TERT: variants seen among roughly 807,000 people sequenced by gnomAD.
TERT encodes telomerase reverse transcriptase.
In TERT, 42 loss-of-function variants were observed where a neutral mutation model predicts 104.0. That is an observed-to-expected ratio of 0.40 (90% CI 0.32 to 0.52). TERT has a LOEUF of 0.52. Ranked by LOEUF, TERT falls within the 20% of genes least tolerant of loss-of-function variation. TERT has a pLI of 0.43. For missense variants in TERT, 1,101 were observed against 1,610.3 expected (o/e 0.68, Z 5.41); for synonymous variants, 781 against 725.6 (o/e 1.08, Z -1.23).
rs1160667241 is a variant in TERT, at chr5:1,294,400, C to T, written c.486G>A (p.Val162=). 1.3e-6 allele frequency: 2 copies of T among 1,585,672 alleles called. No individual in the cohort carries two copies. The change falls in exon 2 of 16, where the codon GTG becomes GTA. Residue 162 remains valine (V), a synonymous_variant. Coordinates refer to ENST00000310581, the MANE Select transcript of TERT (RefSeq NM_198253.3). ...ACACCTGGTAGGCGCAGCTGGGAGC[C>T]ACCAGCACAAAGAGCGCGCAGCGTG... is the stretch of plus-strand genomic sequence containing the variant. ...LLARCALFVL[V]APSCAYQVCG...
At chr5:1,291,547 G>A (rs1409964890) in intron 2 of TERT, among the ~76,000 whole-genome samples, 6 of 100,680 alleles carry the variant, frequency 6.0e-5, no homozygotes, top group Non-Finnish European at 6.1e-5. Context: ...CACGTGACAG[G>A]GACACCCGGG....
At chr5:1,254,603 C>T in intron 14 of TERT, 98 bp from the exon 15 acceptor site, 1 of 1,439,718 alleles carries the variant, frequency 6.9e-7, no homozygotes, top group South Asian at 1.3e-5. Flanking sequence ...TGCGGGGTGG[C>T]TCCATCTCTG....
At chr5:1,289,654 A>C (rs1157539447) in intron 2 of TERT, among the ~76,000 whole-genome samples, 1 of 104,840 alleles carries the variant, frequency 9.5e-6, no homozygotes, top group African/African-American at 4.4e-5. Context: ...CCTGCACGTG[A>C]CAGGGACACC....
intron 3 of TERT, among the ~76,000 whole-genome samples, chr5:1,281,101 T>C (rs1381681577): frequency 6.6e-6 from 1 of 152,186 alleles, no homozygotes; most frequent in Non-Finnish European, 1.5e-5. Context: ...ACAAGGAGCA[T>C]CTTGGGGACC....
At position 1,294,798 on chromosome 5, in the gene TERT, C is replaced by A. The variant is rs930445607; in HGVS notation, c.192G>T (p.Pro64=). 6.6e-7 allele frequency: 1 copy of A among 1,523,748 alleles called. No homozygotes were observed. The highest frequency in any genetic ancestry group is 8.7e-7 in the Non-Finnish European group (1 of 1,143,480). The allele number at this position is 1,523,748 out of a possible 1,614,324, so 94.4% of individuals were successfully genotyped here. A position where few individuals can be genotyped will look rare whatever the true frequency, so the allele number is the denominator to read the frequency against. ...GGCGGAAGGAGGGGGCGGCGGGGGG[C>A]GGCCGTGCGTCCCAGGGCACGCACA... ...CLVCVPWDAR[P]PPAAPSFRQV... is the part of the protein sequence containing the mutation. The change falls in exon 1 of 16, where the codon CCG becomes CCT. Residue 64 remains proline, a synonymous_variant. Coordinates refer to ENST00000310581, the MANE Select transcript of TERT (RefSeq NM_198253.3).
At chr5:1,253,870 A>G in intron 15 of TERT, 39 bp from the exon 16 acceptor site, 1 of 1,579,692 alleles carries the variant, frequency 6.3e-7, no homozygotes, top group Non-Finnish European at 8.6e-7. Context: ...AGAAGAGGCC[A>G]GAGGTGGCAT....
In TERT at chr5:1,255,229, A is replaced by G. The variant is rs532541405; in HGVS notation, c.3157+58T>C. On this transcript the variant is annotated intron_variant, in intron 14 of 15. Coordinates refer to ENST00000310581, the MANE Select transcript of TERT (RefSeq NM_198253.3). This position sits in a 1 kb window ranked among gnomAD's most constrained non-coding sequence, Gnocchi z 6.9. ...AAGCCCAGATTCACTCAGTCTCCTG[A>G]CACACTAACACCAGCAGGCAGGCAC... 6.2e-7 allele frequency: 1 copy of G among 1,601,946 alleles called. No homozygotes were observed. The highest frequency in any genetic ancestry group is 1.3e-5 in the African/African-American group (1 of 74,788).
intron 3 of TERT, among the ~76,000 whole-genome samples, chr5:1,280,705 G>C (rs1391742573): frequency 6.6e-6 from 1 of 152,176 alleles, no homozygotes; most frequent in African/African-American, 2.4e-5. Context: ...CAGCCACTGG[G>C]GTAGCCCAAG....
At position 1,268,282 on chromosome 5, in the gene TERT, G is replaced by T. The variant is rs972100142; in HGVS notation, c.2582+238C>A. On this transcript the variant is annotated intron_variant, in intron 9 of 15. Transcript: ENST00000310581. This position sits in a 1 kb window ranked among gnomAD's most constrained non-coding sequence, Gnocchi z 5.5. Reference sequence around the variant, plus strand: ...CATCATGCAGGGCAGCGGCCCTCCCGCCTGCTGAGCCCTGAGGCCTCTGGA... The same window carrying T: ...CATCATGCAGGGCAGCGGCCCTCCCTCCTGCTGAGCCCTGAGGCCTCTGGA... Among the ~76,000 whole-genome samples, 1 of 152,212 alleles carries T rather than the reference G, an allele frequency of 6.6e-6. No individual in the cohort carries two copies. The highest frequency in any genetic ancestry group is 1.9e-4 in the East Asian group (1 of 5,190).
rs1163088538 is a variant in TERT, at chr5:1,274,206, G to A, written c.2287-1926C>T. On this transcript the variant is annotated intron_variant, in intron 6 of 15. Transcript: ENST00000310581. The surrounding 1 kb of genome is among the most constrained non-coding windows in gnomAD (Gnocchi z 5.3). ...CAGGGCCGTGGGCTAAAACCACATC[G>A]AGTACGATTCAACCCTGAGAACCAA... is the stretch of plus-strand genomic sequence containing the variant. Among the ~76,000 whole-genome samples the A allele has an allele frequency of 2.0e-5, 3 of 152,144 alleles. No homozygotes were observed. Among genetic ancestry groups the A allele is most frequent in the Non-Finnish European group, 2.9e-5 (2 of 68,036 alleles).
rs1288800543 is a variant in TERT at position 1,279,262 on chromosome 5, G to GGCTGC, written c.2130+24_2130+28dup. 1.9e-6 allele frequency: 3 copies of GGCTGC among 1,554,712 alleles called. No individual in the cohort carries two copies. In the South Asian group the frequency reaches 3.6e-5, roughly 19 times the overall value. Reference sequence around the variant, plus strand: ...GGCAGCCACTCCCAAGGTCCAGCAGGGCTGCTCACGGGGGTCCCCGGCACC... The same window carrying GGCTGC: ...GGCAGCCACTCCCAAGGTCCAGCAGGGCTGCGCTGCTCACGGGGGTCCCCGGCACC... On this transcript the variant is annotated intron_variant, in intron 5 of 15. Coordinates refer to ENST00000310581, the MANE Select transcript of TERT (RefSeq NM_198253.3).
Position 1,255,785 on chromosome 5 carries a change from C to T in TERT, c.3033-374G>A, listed in dbSNP as rs552717529. Among the ~76,000 whole-genome samples, 1 of 152,270 alleles carries T rather than the reference C, an allele frequency of 6.6e-6. No individual in the cohort carries two copies. Among genetic ancestry groups the T allele is most frequent in the South Asian group, 2.1e-4 (1 of 4,818 alleles). ...ATTGTTCCTTGTGTACCAGCAGGTA[C>T]TTATCATGAATCCTGCCCTTCGTCA... On this transcript the variant is annotated intron_variant, in intron 13 of 15. Transcript: ENST00000310581. This position sits in a 1 kb window ranked among gnomAD's most constrained non-coding sequence, Gnocchi z 6.9.
Position 1,279,475 on chromosome 5 carries a change from C to A in TERT, c.1951-5G>T, listed in dbSNP as rs770214413. 15 of 1,548,508 alleles carry A rather than the reference C, an allele frequency of 9.7e-6. No individual in the cohort carries two copies. Among genetic ancestry groups the A allele is most frequent in the Non-Finnish European group, 1.3e-5 (15 of 1,147,186 alleles). On this transcript the variant is annotated splice_region_variant and splice_polypyrimidine_tract_variant and intron_variant, in intron 4 of 15. Transcript: ENST00000310581. The stretch of plus-strand genomic sequence containing the variant: ...CCTCGAGGTGAGACGCTCGGCCTGG[C>A]GGGGACAGCATGGGAGACAGTCAGG...
In TERT at chr5:1,268,646, G is replaced by C. The variant is rs1748801438; in HGVS notation, c.2469-13C>G. The C allele has an allele frequency of 1.3e-6, 2 of 1,597,988 alleles. No homozygotes were observed. Among genetic ancestry groups the C allele is most frequent in the Non-Finnish European group, 1.7e-6 (2 of 1,167,084 alleles). On this transcript the variant is annotated splice_polypyrimidine_tract_variant and intron_variant, in intron 8 of 15. Transcript: ENST00000310581. This position sits in a 1 kb window ranked among gnomAD's most constrained non-coding sequence, Gnocchi z 5.5. ...CTGGACGTAGGACCTGGGGCGGGAAGACACAGGTGAGAGACGGGCAGGGCA... is the reference window on the plus strand; with the variant it reads ...CTGGACGTAGGACCTGGGGCGGGAACACACAGGTGAGAGACGGGCAGGGCA...
In TERT at chr5:1,258,669, C is replaced by A. The variant is rs878855303; in HGVS notation, c.2971-10G>T. On this transcript the variant is annotated splice_polypyrimidine_tract_variant and intron_variant, in intron 12 of 15. Transcript: ENST00000310581. ...TCTGGAGGCTGTTCACCTAGAGTCG[C>A]CAAGAAAGAGTGAGAAACGGTAGAA... 4.6e-5 allele frequency: 72 copies of A among 1,563,164 alleles called. No homozygotes were observed. Among genetic ancestry groups the A allele is most frequent in the Non-Finnish European group, 6.0e-5 (69 of 1,152,840 alleles).
rs1311144414 is a variant in TERT, at chr5:1,288,005, T to G, written c.1573+5308A>C. Among the ~76,000 whole-genome samples the G allele has an allele frequency of 1.3e-5, 2 of 152,072 alleles. No individual in the cohort carries two copies. Among genetic ancestry groups the G allele is most frequent in the Non-Finnish European group, 2.9e-5 (2 of 68,034 alleles). On this transcript the variant is annotated intron_variant, in intron 2 of 15. Transcript: ENST00000310581. This position sits in a 1 kb window ranked among gnomAD's most constrained non-coding sequence, Gnocchi z 5.3. ...AGAAATCAATAATAAAATGATAACTTAAAATACTCTACGTATCTTGATACT... is the reference window on the plus strand; with the variant it reads ...AGAAATCAATAATAAAATGATAACTGAAAATACTCTACGTATCTTGATACT...
intron 3 of TERT, 151 bp downstream of exon 3, chr5:1,282,278 C>T (rs1196968943): frequency 5.2e-6 from 4 of 762,550 alleles, no homozygotes; most frequent in Non-Finnish European, 9.1e-6. Flanking sequence ...GCACAGAATC[C>T]ACTTGGACCA....
In TERT at chr5:1,256,579, T is replaced by G. The variant is rs1192754909; in HGVS notation, c.3033-1168A>C. Among the ~76,000 whole-genome samples, 1 of 151,606 alleles carries G rather than the reference T, an allele frequency of 6.6e-6. No homozygotes were observed. The highest frequency in any genetic ancestry group is 1.5e-5 in the Non-Finnish European group (1 of 67,932). On this transcript the variant is annotated intron_variant, in intron 13 of 15. Transcript: ENST00000310581. This position sits in a 1 kb window ranked among gnomAD's most constrained non-coding sequence, Gnocchi z 7.0. ...CCACTGCCTGAGCCCCCCATGTACC[T>G]GGTCTCACTGACTTCCTGAGCCACT...
At chr5:1,272,018 C>T (rs1318618395) in intron 7 of TERT, among the ~76,000 whole-genome samples, 167 bp downstream of exon 7, 1 of 152,262 alleles carries the variant, frequency 6.6e-6, no homozygotes, top group Non-Finnish European at 1.5e-5. Context: ...TGGCATGGCC[C>T]AGCTCAGATT....
Sources: allele counts gnomAD v4.1 joint callset (sites outside exome capture counted in the v4.1 genomes callset), GRCh38; gene constraint gnomAD v4.1.1; non-coding constraint Gnocchi (gnomAD v3.1); transcripts MANE v1.5; gene names NCBI Gene and HGNC (gene_info 2026-07-23, HGNC 2026-07-21).